NUDT6: variants seen among roughly 807,000 people sequenced by gnomAD.
NUDT6 encodes FAD diphosphatase NUDT6.
NUDT6 carries 24 observed loss-of-function variants against 36.8 expected under a neutral mutation model. The ratio of observed to expected loss-of-function variants is 0.65; its 90% CI spans 0.47 to 0.92. The LOEUF is 0.92. Among genes scored for constraint, NUDT6 ranks in the 40% least tolerant of loss-of-function variants. NUDT6 has a pLI of 0.00. For synonymous variants in NUDT6, 163 were observed against 157.0 expected (o/e 1.04, Z -0.29); for missense variants, 388 against 392.8 (o/e 0.99, Z 0.10).
At chr4:122,900,092 G>A (rs953801992) in intron 3 of NUDT6, among the ~76,000 whole-genome samples, 1 of 47,116 alleles carries the variant, frequency 2.1e-5, no homozygotes, top group African/African-American at 1.0e-4. Flanking sequence ...CTGCCCCAGA[G>A]AGATTAGTCC....
rs544191344 is a variant in NUDT6 at position 122,906,211 on chromosome 4, T to C, written c.498+6357A>G. On this transcript the variant is annotated intron_variant, in intron 3 of 4. Transcript: ENST00000304430. ...CAATATTGCCTTTGTGGCTGGAGAA[T>C]ATAGGGGTCTCTTTAAATGGTGCCA... Among the ~76,000 whole-genome samples, 112 of 152,284 alleles carry C rather than the reference T, an allele frequency of 7.4e-4. 1 individual carries two copies. In the Middle Eastern group the frequency reaches 0.017, roughly 23 times the overall value.
intron 3 of NUDT6, among the ~76,000 whole-genome samples, chr4:122,901,146 G>GT (rs1029695573): frequency 5.9e-5 from 9 of 152,024 alleles, no homozygotes; most frequent in African/African-American, 2.2e-4. Flanking sequence ...GCTTTGTTGG[G>GT]TGCTACTCAA....
rs569606208 is a variant in NUDT6 at position 122,910,614 on chromosome 4, C to CTTCA, written c.498+1950_498+1953dup. On this transcript the variant is annotated intron_variant, in intron 3 of 4. Transcript: ENST00000304430. ...AAACCCAGTGTGCTATTTAAAAAAC[C>CTTCA]TTCATGGTTTACCCTTTTCTTTCCA... Among the ~76,000 whole-genome samples the CTTCA allele has an allele frequency of 6.4e-3, 973 of 152,180 alleles. 13 individuals carry two copies. Among genetic ancestry groups the CTTCA allele is most frequent in the African/African-American group, 0.022 (893 of 41,534 alleles).
chr4:122,892,869 C>T lies in NUDT6; in HGVS notation c.910G>A (p.Glu304Lys), dbSNP rs372832872. The change falls in exon 5 of 5, where the codon GAA becomes AAA. Residue 304 changes from glutamate to lysine, a missense_variant. Coordinates refer to ENST00000304430, the MANE Select transcript of NUDT6 (RefSeq NM_007083.5). ...TGLFYKLYHK[E>K]LPENYKTMKG... Reference sequence around the variant, plus strand: ...ATAGTTTTATAATTCTCTGGCAGTTCCTTATGATAGAGTTTATAAAACAGT... The same window carrying T: ...ATAGTTTTATAATTCTCTGGCAGTTTCTTATGATAGAGTTTATAAAACAGT... 4.3e-5 allele frequency: 70 copies of T among 1,610,394 alleles called. No homozygotes were observed. The highest frequency in any genetic ancestry group is 5.5e-5 in the Non-Finnish European group (65 of 1,177,894).
At chr4:122,897,835 C>T (rs565714132) in intron 3 of NUDT6, 157 bp from the exon 4 acceptor site, 74 of 599,822 alleles carry the variant, frequency 1.2e-4, no homozygotes, top group Middle Eastern at 4.3e-4. Context: ...CTTTCTCCCT[C>T]GTTTCTTCTT....
intron 3 of NUDT6, among the ~76,000 whole-genome samples, chr4:122,904,965 C>T (rs1045235796): frequency 6.6e-6 from 1 of 152,174 alleles, no homozygotes; most frequent in Non-Finnish European, 1.5e-5. Context: ...TTAAAGGTGG[C>T]ACAGACCCAA....
intron 2 of NUDT6, among the ~76,000 whole-genome samples, chr4:122,916,821 C>T (rs894621002): frequency 1.3e-5 from 2 of 152,080 alleles, no homozygotes; most frequent in African/African-American, 2.4e-5. Context: ...TCTTGTGCTT[C>T]GGGGCATTAA....
rs529589754 is a variant in NUDT6, at chr4:122,895,330, TGAA to T, written c.554-2108_554-2106del. The T allele has an allele frequency of 3.9e-5, 6 of 152,358 alleles. No individual in the cohort carries two copies. The South Asian group carries it at 1.2e-3, about 32-fold the overall frequency. 9.4% of individuals were successfully genotyped at this position (152,358 alleles called of 1,614,324 possible). The stretch of plus-strand genomic sequence containing the variant: ...GAGGTTTTGTTTTTATTTTTGCTGA[TGAA>T]GAGATATGTTTAAATATGTTGTATT... On this transcript the variant is annotated intron_variant, in intron 4 of 4. Transcript: ENST00000304430.
At chr4:122,901,293 A>G (rs1487291125) in intron 3 of NUDT6, among the ~76,000 whole-genome samples, 1 of 152,144 alleles carries the variant, frequency 6.6e-6, no homozygotes, top group African/African-American at 2.4e-5. Context: ...ATATTAAAGC[A>G]TATCTGATTT....
At chr4:122,899,044 AT>A (rs113708696) in intron 3 of NUDT6, among the ~76,000 whole-genome samples, 6,506 of 69,440 alleles carry the variant, frequency 0.094, 728 homozygotes, top group South Asian at 0.26. Flanking sequence ...ACCACACCTA[AT>A]TTTTTTTTTT....
At chr4:122,910,480 A>G (rs1048701648) in intron 3 of NUDT6, among the ~76,000 whole-genome samples, 5 of 152,166 alleles carry the variant, frequency 3.3e-5, no homozygotes, top group Non-Finnish European at 7.4e-5. Flanking sequence ...TATTTGGTAG[A>G]TTAACCAACC....
chr4:122,918,033 A>G (rs1727883144), intron 1 of NUDT6: 2 of 252,594 alleles, frequency 7.9e-6, no homozygotes, highest in Admixed American at 1.0e-4. Context: ...CGAATCAAAT[A>G]CCATTTGAAT....
In NUDT6 at chr4:122,897,402, G is replaced by C. The variant is rs1319493632; in HGVS notation, c.553+222C>G. 5.6e-6 allele frequency: 3 copies of C among 538,192 alleles called. No homozygotes were observed. The Admixed American group carries it at 1.0e-4, about 18-fold the overall frequency. 33.3% of individuals were successfully genotyped at this position (538,192 alleles called of 1,614,324 possible). ...GAAGCAGTCATAAACAGAAGAATAG[G>C]TGGTATGTTCCTAATGATATTATTT... On this transcript the variant is annotated intron_variant, in intron 4 of 4. Transcript: ENST00000304430.
intron 3 of NUDT6, among the ~76,000 whole-genome samples, chr4:122,898,635 CCA>C (rs986034500): frequency 3.9e-5 from 6 of 152,142 alleles, no homozygotes; most frequent in African/African-American, 1.4e-4. Context: ...GGCATGGTTC[CCA>C]GAGTTTCCAT....
chr4:122,907,097 C>A (rs1042080898), intron 3 of NUDT6, among the ~76,000 whole-genome samples: 4 of 152,160 alleles, frequency 2.6e-5, no homozygotes, highest in Non-Finnish European at 5.9e-5. Context: ...GAAGCCCAAG[C>A]CACTGCTCTG....
intron 3 of NUDT6, among the ~76,000 whole-genome samples, chr4:122,904,719 G>A (rs1338718597): frequency 1.3e-5 from 2 of 152,200 alleles, no homozygotes; most frequent in Non-Finnish European, 2.9e-5. Context: ...CTCCCAAAGT[G>A]CTGGGATTAC....
At chr4:122,915,487 A>ACAAACAAAC (rs1389583994) in intron 2 of NUDT6, among the ~76,000 whole-genome samples, 17,494 of 139,398 alleles carry the variant, frequency 0.13, 1,856 homozygotes, top group East Asian at 0.41. Context: ...AAAAAAAAAA[A>ACAAACAAAC]AAAAAAAAAA....
chr4:122,906,921 C>T (rs2150804767), intron 3 of NUDT6, among the ~76,000 whole-genome samples: 1 of 152,300 alleles, frequency 6.6e-6, no homozygotes, highest in African/African-American at 2.4e-5. Context: ...CCCACCATGA[C>T]AGCTGACAAA....
At chr4:122,912,962 G>A (rs1026331284) in intron 2 of NUDT6, among the ~76,000 whole-genome samples, 2 of 152,178 alleles carry the variant, frequency 1.3e-5, no homozygotes, top group African/African-American at 2.4e-5. Flanking sequence ...AGTTTTGACT[G>A]CATTTTGACT....
Sources: gnomAD v4.1 joint callset for allele counts (sites outside exome capture counted in the v4.1 genomes callset) on GRCh38, gnomAD v4.1.1 for gene constraint, MANE v1.5 for transcripts, NCBI Gene and HGNC (gene_info 2026-07-23, HGNC 2026-07-21) for gene names.